Variants in CDH18 observed in about 807,000 individuals in gnomAD.
CDH18 encodes the protein cadherin-18.
Under a neutral mutation model 67.9 loss-of-function variants are expected in CDH18, and 31 were observed. That is an observed-to-expected ratio of 0.46 (90% CI 0.34 to 0.62). The LOEUF is 0.62. CDH18 is among the 20% of genes least tolerant of loss of function. The pLI is 0.01. For missense variants in CDH18, 890 were observed against 975.5 expected (o/e 0.91, Z 1.17); for synonymous variants, 362 against 347.2 (o/e 1.04, Z -0.48).
chr5:19,565,846 A>G (rs976210669), intron 8 of CDH18, among the ~76,000 whole-genome samples: 1 of 152,222 alleles, frequency 6.6e-6, no homozygotes, highest in Non-Finnish European at 1.5e-5. Flanking sequence ...AAGCACAGTC[A>G]ACCAAATAAA....
At chr5:19,527,542 C>G (rs1291008438) in intron 9 of CDH18, among the ~76,000 whole-genome samples, 1 of 151,522 alleles carries the variant, frequency 6.6e-6, no homozygotes, top group East Asian at 1.9e-4. Flanking sequence ...AATTACTCCT[C>G]AAATATCCCT....
chr5:19,940,509 T>G (rs1220867305), intron 2 of CDH18, among the ~76,000 whole-genome samples: 1 of 152,106 alleles, frequency 6.6e-6, no homozygotes, highest in East Asian at 1.9e-4. Flanking sequence ...AATTTACTAT[T>G]TGGCTTATGT....
At chr5:19,806,110 T>C (rs989267885) in intron 3 of CDH18, among the ~76,000 whole-genome samples, 2 of 152,198 alleles carry the variant, frequency 1.3e-5, no homozygotes, top group Admixed American at 6.5e-5. Context: ...GTTCCTAAAA[T>C]TTCACTGGAG....
intron 5 of CDH18, among the ~76,000 whole-genome samples, chr5:19,697,615 TTG>T (rs1309870554): frequency 2.0e-5 from 3 of 152,186 alleles, no homozygotes; most frequent in African/African-American, 7.2e-5. Context: ...AGTGGCATGA[TTG>T]AATACTCCTG....
chr5:19,934,450 C>G (rs780353275), intron 2 of CDH18, among the ~76,000 whole-genome samples: 5 of 151,378 alleles, frequency 3.3e-5, no homozygotes, highest in African/African-American at 9.7e-5. Context: ...TATGCACAAG[C>G]CTTCCCTTTC....
Position 20,419,623 on chromosome 5 carries a change from G to A in CDH18, c.-580+155839C>T, listed in dbSNP as rs901287470. Among the ~76,000 whole-genome samples the A allele has an allele frequency of 7.6e-5, 11 of 144,228 alleles. 1 individual carries two copies. The South Asian group carries it at 1.5e-3, about 19-fold the overall frequency. 94.6% of individuals were successfully genotyped at this position (144,228 alleles called of 152,430 possible). ...CCCTTCAGTAGCTGGGACTACAGGCGCCCGCCACGACGCCCAGCTAATTTT... is the reference window on the plus strand; with the variant it reads ...CCCTTCAGTAGCTGGGACTACAGGCACCCGCCACGACGCCCAGCTAATTTT... On this transcript the variant is annotated intron_variant, in intron 1 of 14. Coordinates refer to the CDH18 transcript ENST00000507958.
intron 2 of CDH18, among the ~76,000 whole-genome samples, chr5:20,173,863 T>G (rs1737030740): frequency 6.6e-6 from 1 of 152,162 alleles, no homozygotes; most frequent in African/African-American, 2.4e-5. Context: ...TAGAGAATAT[T>G]ACGATTTTTA....
chr5:20,086,900 A>G (rs1315294921), intron 2 of CDH18, among the ~76,000 whole-genome samples: 2 of 152,180 alleles, frequency 1.3e-5, no homozygotes, highest in African/African-American at 4.8e-5. Context: ...TGGGTCAAGA[A>G]GTAATTTTTT....
intron 6 of CDH18, among the ~76,000 whole-genome samples, chr5:19,593,813 C>T (rs1300911270): frequency 6.7e-6 from 1 of 148,820 alleles, no homozygotes; most frequent in Admixed American, 6.8e-5. Flanking sequence ...AGCCTTTTAG[C>T]AGACAGGGCT....
rs572056120 is a variant in CDH18, at chr5:20,443,746, A to G, written c.-580+131716T>C. Among the ~76,000 whole-genome samples the G allele has an allele frequency of 5.3e-5, 8 of 152,032 alleles. No homozygotes were observed. In the South Asian group the frequency reaches 1.4e-3, roughly 28 times the overall value. Reference sequence around the variant, plus strand: ...TACTTGTCTTCCTCAGATTTCAGTTACTTGGGTAATCATTTCTCTATCTCT... The same window carrying G: ...TACTTGTCTTCCTCAGATTTCAGTTGCTTGGGTAATCATTTCTCTATCTCT... On this transcript the variant is annotated intron_variant, in intron 1 of 14. Transcript: ENST00000507958.
chr5:19,572,175 A>G (rs1054897458), intron 7 of CDH18, among the ~76,000 whole-genome samples: 2 of 152,186 alleles, frequency 1.3e-5, no homozygotes, highest in African/African-American at 4.8e-5. Flanking sequence ...AACATTTGGA[A>G]AGTGTTTAGC....
At chr5:20,192,519 A>T (rs571234887) in intron 2 of CDH18, among the ~76,000 whole-genome samples, 1 of 152,020 alleles carries the variant, frequency 6.6e-6, no homozygotes, top group Non-Finnish European at 1.5e-5. Context: ...TCTTTACTTA[A>T]TTTTTGAATA....
chr5:20,114,407 TAAGAA>T (rs1279827453), intron 2 of CDH18, among the ~76,000 whole-genome samples: 1 of 151,542 alleles, frequency 6.6e-6, no homozygotes, highest in African/African-American at 2.4e-5. Context: ...TTTTAGAAAA[TAAGAA>T]AAGAATCAGC....
At chr5:20,089,437 G>A (rs1745242642) in intron 2 of CDH18, among the ~76,000 whole-genome samples, 1 of 152,028 alleles carries the variant, frequency 6.6e-6, no homozygotes, top group Non-Finnish European at 1.5e-5. Context: ...ACCCAGTTTG[G>A]TTCCTATTCT....
chr5:19,492,288 A>C (rs1741599348), intron 11 of CDH18, among the ~76,000 whole-genome samples: 1 of 152,154 alleles, frequency 6.6e-6, no homozygotes, highest in South Asian at 2.1e-4. Context: ...AACAGCAGGA[A>C]GATCTTGAAA....
chr5:20,511,997 G>A (rs942996755), intron 1 of CDH18, among the ~76,000 whole-genome samples: 1 of 152,148 alleles, frequency 6.6e-6, no homozygotes, highest in Non-Finnish European at 1.5e-5. Context: ...GAGGTGGGTG[G>A]ATCACCTGAG....
chr5:19,838,201 T>C (rs1781888284), intron 3 of CDH18, among the ~76,000 whole-genome samples: 2 of 152,142 alleles, frequency 1.3e-5, no homozygotes, highest in African/African-American at 4.8e-5. Flanking sequence ...AAATTAACTT[T>C]GGGTTTTGAA....
intron 1 of CDH18, among the ~76,000 whole-genome samples, chr5:20,569,466 C>A (rs558660750): frequency 3.3e-5 from 5 of 152,080 alleles, no homozygotes; most frequent in Non-Finnish European, 5.9e-5. Flanking sequence ...ACTGAAAATA[C>A]AAATAATTAG....
intron 11 of CDH18, among the ~76,000 whole-genome samples, chr5:19,494,873 T>A (rs767125675): frequency 2.0e-5 from 3 of 152,166 alleles, no homozygotes; most frequent in African/African-American, 2.4e-5. Flanking sequence ...GTTATCCCAG[T>A]TAAGATTTGG....
Sources: gnomAD v4.1 joint callset for allele counts (sites outside exome capture counted in the v4.1 genomes callset) on GRCh38, gnomAD v4.1.1 for gene constraint, MANE v1.5 for transcripts, NCBI Gene and HGNC (gene_info 2026-07-23, HGNC 2026-07-21) for gene names.